Variants in KLHDC2 observed in about 807,000 individuals in gnomAD.
KLHDC2 encodes the protein kelch domain containing 2.
In KLHDC2, 38 loss-of-function variants were observed where a neutral mutation model predicts 62.3. The observed-to-expected ratio is 0.61, with a 90% CI of 0.47 to 0.80. The LOEUF (loss-of-function observed/expected upper bound fraction) is 0.80. KLHDC2 is among the 30% of genes least tolerant of loss of function. The pLI is 0.00. For synonymous variants in KLHDC2, 159 were observed against 161.0 expected, an observed-to-expected ratio of 0.99 and a Z score of 0.09; for missense variants, 430 against 495.3, an observed-to-expected ratio of 0.87 and a Z score of 1.25.
At chr14:49,773,189 G>A (rs1471609147) in intron 2 of KLHDC2, among the ~76,000 whole-genome samples, 3 of 151,946 alleles carry the variant, frequency 2.0e-5, no homozygotes, top group African/African-American at 7.3e-5. Flanking sequence ...CGAGGCAGGT[G>A]GATCATGAGG....
chr14:49,783,754 A>C lies in KLHDC2; in HGVS notation c.*801A>C, dbSNP rs541911462. The C allele has an allele frequency of 8.5e-5, 13 of 152,316 alleles. No individual in the cohort carries two copies. Among genetic ancestry groups the C allele is most frequent in the African/African-American group, 3.1e-4 (13 of 41,570 alleles). 9.4% of individuals were successfully genotyped at this position (152,316 alleles called of 1,614,324 possible). A position where few individuals can be genotyped will look rare whatever the true frequency, so the allele number is the denominator to read the frequency against. ...ATGGTACAGAACTGAATCAGATTAC[A>C]AGGAAAAAATTAAGATCAAACCTGA... On this transcript the variant is annotated 3_prime_UTR_variant, in exon 13 of 13. Coordinates refer to ENST00000298307, the MANE Select transcript of KLHDC2 (RefSeq NM_014315.3).
At chr14:49,782,706 C>T in intron 12 of KLHDC2, 112 bp downstream of exon 12, 4 of 1,378,754 alleles carry the variant, frequency 2.9e-6, no homozygotes, top group Middle Eastern at 2.3e-4. Flanking sequence ...AACTTCATTG[C>T]TATAACCAGT....
At chr14:49,779,847 G>A (rs758455819) in intron 8 of KLHDC2, 41 bp downstream of exon 8, 3 of 1,415,962 alleles carry the variant, frequency 2.1e-6, no homozygotes, top group Non-Finnish European at 3.0e-6. Context: ...AATTCAGATT[G>A]TTTTTACCCT....
rs368394916 is a variant in KLHDC2 at position 49,778,921 on chromosome 14, C to T, written c.633+427C>T. 8.5e-5 allele frequency among the ~76,000 whole-genome samples: 13 copies of T among 152,192 alleles called. No homozygotes were observed. In the South Asian group the frequency reaches 2.5e-3, roughly 29 times the overall value. On this transcript the variant is annotated intron_variant, in intron 6 of 12. Transcript: ENST00000298307. Reference sequence around the variant, plus strand: ...TTGTATTTTTAGTAGAGACGGGTTTCATCACATTGGCCAGGCTGGTCTTGA... The same window carrying T: ...TTGTATTTTTAGTAGAGACGGGTTTTATCACATTGGCCAGGCTGGTCTTGA...
Position 49,780,295 on chromosome 14 carries a change from G to A in KLHDC2, c.856G>A (p.Gly286Arg). The change falls in exon 9 of 13, where the codon GGA becomes AGA. Residue 286 changes from glycine to arginine, a missense_variant. Gly to Arg is a moderately radical substitution (Grantham distance 125). Coordinates refer to ENST00000298307, the MANE Select transcript of KLHDC2 (RefSeq NM_014315.3). ...TTCAGATCATCTTTTTCTCTTTGGA[G>A]GATTTACCACTGATAAACAGCCACT... ...VSSDHLFLFG[G>R]FTTDKQPLSD... 1 of 1,611,516 alleles carries A rather than the reference G, an allele frequency of 6.2e-7. No individual in the cohort carries two copies. Among genetic ancestry groups the A allele is most frequent in the Non-Finnish European group, 8.5e-7 (1 of 1,177,708 alleles).
chr14:49,770,871 A>G (rs973233478), intron 1 of KLHDC2, among the ~76,000 whole-genome samples: 3 of 152,218 alleles, frequency 2.0e-5, no homozygotes, highest in Non-Finnish European at 4.4e-5. Flanking sequence ...TGCCCTCTCT[A>G]TTGCTGCTTA....
intron 12 of KLHDC2, 42 bp from the exon 13 acceptor site, chr14:49,782,788 A>C: frequency 6.3e-7 from 1 of 1,597,008 alleles, no homozygotes; most frequent in Non-Finnish European, 8.5e-7. Context: ...ACTTCCAAAC[A>C]GTAAAGTGAA....
intron 1 of KLHDC2, among the ~76,000 whole-genome samples, chr14:49,769,872 G>T (rs568067903): frequency 6.6e-6 from 1 of 151,876 alleles, no homozygotes; most frequent in Non-Finnish European, 1.5e-5. Flanking sequence ...AACCAGGGAG[G>T]CGGAGTTTGC....
chr14:49,779,236 C>T (rs1027519917), intron 6 of KLHDC2, among the ~76,000 whole-genome samples: 11 of 152,130 alleles, frequency 7.2e-5, no homozygotes, highest in African/African-American at 2.7e-4. Flanking sequence ...AATAACTCTG[C>T]ACTATACTGC....
chr14:49,779,902 T>G lies in KLHDC2; in HGVS notation c.773+96T>G, dbSNP rs566021682. The G allele has an allele frequency of 3.5e-6, 3 of 848,640 alleles. No individual in the cohort carries two copies. The South Asian group carries it at 4.7e-5, about 13-fold the overall frequency. The allele number at this position is 848,640 out of a possible 1,614,324, so 52.6% of individuals were successfully genotyped here. On this transcript the variant is annotated intron_variant, in intron 8 of 12. Coordinates refer to ENST00000298307, the MANE Select transcript of KLHDC2 (RefSeq NM_014315.3). ...TATAATGTCCTTGCTTAACTTTTCT[T>G]TAACTATGAAATTAAATAAACATAA...
intron 10 of KLHDC2, among the ~76,000 whole-genome samples, chr14:49,781,193 C>G (rs1236134181): frequency 6.6e-6 from 1 of 151,888 alleles, no homozygotes; most frequent in Non-Finnish European, 1.5e-5. Context: ...CATGGTGAAA[C>G]CCCGTCTCTA....
Position 49,778,508 on chromosome 14 carries a change from G to T in KLHDC2, c.633+14G>T. ...CCTATAACTACTGTGAGTTACTAAA[G>T]AATAATGAATTGTTAAGGATACTTA... On this transcript the variant is annotated intron_variant, in intron 6 of 12. Coordinates refer to ENST00000298307, the MANE Select transcript of KLHDC2 (RefSeq NM_014315.3). The T allele has an allele frequency of 2.2e-6, 2 of 893,450 alleles. No homozygotes were observed. The highest frequency in any genetic ancestry group is 3.2e-6 in the Non-Finnish European group (2 of 629,912). 55.3% of individuals were successfully genotyped at this position (893,450 alleles called of 1,614,324 possible). A position where few individuals can be genotyped will look rare whatever the true frequency, so the allele number is the denominator to read the frequency against.
Position 49,779,672 on chromosome 14 carries a change from T to C in KLHDC2, c.711T>C (p.Tyr237=), listed in dbSNP as rs950074742. The change falls in exon 7 of 13, where the codon TAT becomes TAC. Residue 237 remains tyrosine (Y), a synonymous_variant. Transcript: ENST00000298307. ...GAGGCTTCGTGTTTGGAGGCAGATATCGAGTAAGTATTCAAACGACTTCAA... is the reference window on the plus strand; with the variant it reads ...GAGGCTTCGTGTTTGGAGGCAGATACCGAGTAAGTATTCAAACGACTTCAA... The part of the protein sequence containing the change: ...GNRGFVFGGR[Y]RDARMNDLHY... The C allele has an allele frequency of 1.2e-6, 2 of 1,613,964 alleles. No homozygotes were observed. The highest frequency in any genetic ancestry group is 1.1e-5 in the South Asian group (1 of 91,084).
rs1890123189 is a variant in KLHDC2, at chr14:49,785,422, C to CTGAT, written c.*2470_*2473dup. On this transcript the variant is annotated 3_prime_UTR_variant, in exon 13 of 13. Coordinates refer to ENST00000298307, the MANE Select transcript of KLHDC2 (RefSeq NM_014315.3). The stretch of plus-strand genomic sequence containing the variant: ...ATCTCAACATATTTTTTATCTTTTC[C>CTGAT]TGATATACATACCATCTAAGCTGGA... 1.3e-6 allele frequency: 1 copy of CTGAT among 775,294 alleles called. No homozygotes were observed. The highest frequency in any genetic ancestry group is 2.0e-5 in the Admixed American group (1 of 50,216). 48.0% of individuals were successfully genotyped at this position (775,294 alleles called of 1,614,324 possible).
intron 10 of KLHDC2, among the ~76,000 whole-genome samples, chr14:49,781,674 G>A (rs1450877616): frequency 6.6e-6 from 1 of 151,740 alleles, no homozygotes; most frequent in African/African-American, 2.4e-5. Flanking sequence ...TCCAGCCTGG[G>A]TGATAGAGCA....
At position 49,784,374 on chromosome 14, in the gene KLHDC2, C is replaced by G. The variant is rs1290895012; in HGVS notation, c.*1421C>G. Reference sequence around the variant, plus strand: ...TACTTGGTATTAACCTCCCAAATTTCAAGAAAATGTAGAATAACTACAGAT... The same window carrying G: ...TACTTGGTATTAACCTCCCAAATTTGAAGAAAATGTAGAATAACTACAGAT... On this transcript the variant is annotated 3_prime_UTR_variant, in exon 13 of 13. Transcript: ENST00000298307. 3.2e-6 allele frequency: 1 copy of G among 315,990 alleles called. No homozygotes were observed. The highest frequency in any genetic ancestry group is 5.8e-6 in the Non-Finnish European group (1 of 173,130). 19.6% of individuals were successfully genotyped at this position (315,990 alleles called of 1,614,324 possible).
Position 49,778,172 on chromosome 14 carries a change from C to G in KLHDC2, c.468-6C>G, listed in dbSNP as rs563942097. ...ATTTTTAGTGTCTTGGTTTTTCATC[C>G]AACAGGTTAATATTTTTTGGAGGGT... On this transcript the variant is annotated splice_polypyrimidine_tract_variant and splice_region_variant and intron_variant, in intron 4 of 12. Transcript: ENST00000298307. The G allele has an allele frequency of 2.9e-5, 46 of 1,582,856 alleles. No homozygotes were observed. Among genetic ancestry groups the G allele is most frequent in the Admixed American group, 5.3e-5 (3 of 56,620 alleles).
intron 9 of KLHDC2, 50 bp downstream of exon 9, chr14:49,780,372 C>A: frequency 8.3e-7 from 1 of 1,198,832 alleles, no homozygotes; most frequent in Non-Finnish European, 1.2e-6. Flanking sequence ...TCATCCATAT[C>A]TAATAGCTGA....
In KLHDC2 at chr14:49,771,674, G is replaced by A. The variant is rs374813345; in HGVS notation, c.233+1G>A. 1.0e-5 allele frequency: 15 copies of A among 1,445,386 alleles called. No homozygotes were observed. Among genetic ancestry groups the A allele is most frequent in the Non-Finnish European group, 1.5e-5 (15 of 1,026,782 alleles). The allele number at this position is 1,445,386 out of a possible 1,614,324, so 89.5% of individuals were successfully genotyped here. On this transcript the variant is annotated splice_donor_variant, in intron 2 of 12. Transcript: ENST00000298307. LOFTEE classifies it high-confidence loss of function. ...TCTACAACATGGAGACTGGAAGATGGTAAATGTGGATATTATAAGGGGGAC... is the reference window on the plus strand; with the variant it reads ...TCTACAACATGGAGACTGGAAGATGATAAATGTGGATATTATAAGGGGGAC...
Sources: gnomAD v4.1 joint callset for allele counts (sites outside exome capture counted in the v4.1 genomes callset) on GRCh38, gnomAD v4.1.1 for gene constraint, MANE v1.5 for transcripts, NCBI Gene and HGNC (gene_info 2026-07-23, HGNC 2026-07-21) for gene names.